RSPH10B2: variants seen among roughly 807,000 people sequenced by gnomAD.
RSPH10B2 encodes radial spoke head 10 homolog B2.
RSPH10B2 carries 9 observed loss-of-function variants against 49.0 expected under a neutral mutation model. That is an observed-to-expected ratio of 0.18 (90% CI 0.11 to 0.32). The LOEUF is 0.32. Ranked by LOEUF, RSPH10B2 falls within the 10% of genes least tolerant of loss-of-function variation. RSPH10B2 has a pLI of 1.00. For synonymous variants in RSPH10B2, 35 were observed against 210.2 expected (o/e 0.17, Z 7.21); for missense variants, 95 against 589.9 (o/e 0.16, Z 8.69).
At position 6,781,989 on chromosome 7, in the gene RSPH10B2, C is replaced by T. The variant is rs1397214804; in HGVS notation, c.1758+513C>T. On this transcript the variant is annotated intron_variant, in intron 13 of 18. Coordinates refer to ENST00000297186, the Ensembl canonical transcript of RSPH10B2. Reference sequence around the variant, plus strand: ...AGTGCAATGAAGTGATCTTGGCTCACTGCAACCTCCACCTCCTGGGTTCAA... The same window carrying T: ...AGTGCAATGAAGTGATCTTGGCTCATTGCAACCTCCACCTCCTGGGTTCAA... Among the ~76,000 whole-genome samples the T allele has an allele frequency of 4.5e-5, 5 of 111,552 alleles. 1 individual carries two copies. The highest frequency in any genetic ancestry group is 1.1e-4 in the African/African-American group (3 of 28,502). The allele number at this position is 111,552 out of a possible 152,430, so 73.2% of individuals were successfully genotyped here. A position where few individuals can be genotyped will look rare whatever the true frequency, so the allele number is the denominator to read the frequency against.
At chr7:6,796,885 G>A (rs1394819332) in intron 18 of RSPH10B2, 119 bp downstream of exon 20, 7 of 564,492 alleles carry the variant, frequency 1.2e-5, no homozygotes, top group African/African-American at 9.9e-5. Flanking sequence ...TCCTATGGGC[G>A]TCGTTGACAT....
At chr7:6,791,341 AC>A (rs1444218323) in intron 16 of RSPH10B2, among the ~76,000 whole-genome samples, 5 of 143,138 alleles carry the variant, frequency 3.5e-5, no homozygotes, top group African/African-American at 1.3e-4. Context: ...GTACCAACAG[AC>A]CCAGGTGACA....
At position 6,771,028 on chromosome 7, in the gene RSPH10B2, G is replaced by C. The variant is rs1461188049; in HGVS notation, c.958-519G>C. ...GGAGAAAGATTGTTGGGGAGAGAGA[G>C]AGGGGAGGGGGAGGAATAGGAAAAG... On this transcript the variant is annotated intron_variant, in intron 7 of 18. Coordinates refer to ENST00000297186, the Ensembl canonical transcript of RSPH10B2. Among the ~76,000 whole-genome samples, 2 of 57,976 alleles carry C rather than the reference G, an allele frequency of 3.4e-5. 1 individual carries two copies. Among genetic ancestry groups the C allele is most frequent in the Non-Finnish European group, 5.1e-5 (2 of 39,364 alleles). The allele number at this position is 57,976 out of a possible 152,430, so 38.0% of individuals were successfully genotyped here.
At chr7:6,764,418 T>G (rs972413969) in intron 4 of RSPH10B2, among the ~76,000 whole-genome samples, 10 of 151,154 alleles carry the variant, frequency 6.6e-5, no homozygotes, top group Non-Finnish European at 1.3e-4. Context: ...GGGAGTGCAA[T>G]GGTGCCATCT....
Position 6,796,632 on chromosome 7 carries a change from C to T in RSPH10B2, c.2298C>T (p.Tyr766=), listed in dbSNP as rs564559321. ...TCAACACGTGGGTCAATAATACGTA[C>T]GTCTTCTTTGTGAACACGCTCTTTC... Residue 766 remains tyrosine (Y), a synonymous_variant, in exon 18 of 19, where the codon TAC becomes TAT. Coordinates refer to ENST00000297186, the Ensembl canonical transcript of RSPH10B2. 17 of 1,206,466 alleles carry T rather than the reference C, an allele frequency of 1.4e-5. 4 individuals carry two copies. Among genetic ancestry groups the T allele is most frequent in the East Asian group, 9.5e-5 (3 of 31,512 alleles). The allele number at this position is 1,206,466 out of a possible 1,614,324, so 74.7% of individuals were successfully genotyped here.
chr7:6,785,187 GTGTGT>G (rs1228798801), intron 13 of RSPH10B2, among the ~76,000 whole-genome samples: 9 of 96,276 alleles, frequency 9.3e-5, no homozygotes, highest in Admixed American at 7.1e-4. Flanking sequence ...GTGTGTGTGT[GTGTGT>G]TTGAGACAGG....
rs201650381 is a variant in RSPH10B2, at chr7:6,795,932, TAA to T, written c.2234-626_2234-625del. On this transcript the variant is annotated intron_variant, in intron 17 of 18. Transcript: ENST00000297186. ...GGGCCATAGAGTGAGAGCTTGTCTT[TAA>T]AAAAAAAAAGAAAAAAGCAAGAGAA... is the stretch of plus-strand genomic sequence containing the variant. Among the ~76,000 whole-genome samples the T allele has an allele frequency of 3.6e-5, 5 of 139,396 alleles. 1 individual carries two copies. The highest frequency in any genetic ancestry group is 7.1e-5 in the Admixed American group (1 of 14,044). 91.4% of individuals were successfully genotyped at this position (139,396 alleles called of 152,430 possible).
At chr7:6,758,572 C>T (rs1258075978) in intron 1 of RSPH10B2, among the ~76,000 whole-genome samples, 18 of 129,224 alleles carry the variant, frequency 1.4e-4, no homozygotes, top group Admixed American at 3.1e-4. Flanking sequence ...TGGCCAGATG[C>T]GGTGGTTCAA....
intron 17 of RSPH10B2, among the ~76,000 whole-genome samples, chr7:6,796,221 T>C (rs553287995): frequency 9.2e-6 from 1 of 108,872 alleles, no homozygotes; most frequent in East Asian, 2.5e-4. Context: ...GGCTGAGGCA[T>C]GAGAATCACT....
At chr7:6,763,726 G>C (rs1450218362) in intron 3 of RSPH10B2, among the ~76,000 whole-genome samples, 2 of 145,830 alleles carry the variant, frequency 1.4e-5, no homozygotes, top group Non-Finnish European at 3.0e-5. Context: ...CCGCCCACTG[G>C]TCGGGTCAGA....
chr7:6,793,849 A>G (rs189750378), intron 17 of RSPH10B2, among the ~76,000 whole-genome samples: 1 of 149,364 alleles, frequency 6.7e-6, no homozygotes, highest in Non-Finnish European at 1.5e-5. Context: ...ATCAAAAAAA[A>G]AAAAAGGAAA....
intron 16 of RSPH10B2, among the ~76,000 whole-genome samples, chr7:6,791,562 G>A (rs1377976308): frequency 7.0e-6 from 1 of 142,826 alleles, no homozygotes; most frequent in Non-Finnish European, 1.5e-5. Context: ...TGGCCAATAT[G>A]GTGAAACCCC....
chr7:6,765,766 A>G lies in RSPH10B2; in HGVS notation c.634A>G (p.Ile212Val). 3 of 1,571,678 alleles carry G rather than the reference A, an allele frequency of 1.9e-6. 1 individual carries two copies. The highest frequency in any genetic ancestry group is 2.6e-6 in the Non-Finnish European group (3 of 1,167,204). Residue 212 changes from isoleucine (I) to valine (V), a missense_variant, in exon 5 of 19, where the codon ATC (isoleucine) becomes GTC (valine). Coordinates refer to ENST00000297186, the Ensembl canonical transcript of RSPH10B2. ...GTACGAGGGAGACTGGGTACAAAACATCAAAAAGGGCTGGGGAATAAGATG... is the reference window on the plus strand; with the variant it reads ...GTACGAGGGAGACTGGGTACAAAACGTCAAAAAGGGCTGGGGAATAAGATG...
intron 4 of RSPH10B2, among the ~76,000 whole-genome samples, chr7:6,764,546 A>G (rs1257639805): frequency 6.7e-6 from 1 of 148,432 alleles, no homozygotes; most frequent in Non-Finnish European, 1.5e-5. Context: ...TTTTTAGTAG[A>G]GATGGGGTTT....
intron 4 of RSPH10B2, among the ~76,000 whole-genome samples, 186 bp downstream of exon 6, chr7:6,764,287 TA>T (rs1781370010): frequency 6.9e-6 from 1 of 144,644 alleles, no homozygotes; most frequent in Admixed American, 6.8e-5. Flanking sequence ...GGGTAGGGGC[TA>T]GCGGCGCTGT....
intron 17 of RSPH10B2, among the ~76,000 whole-genome samples, chr7:6,793,609 G>A (rs1289764553): frequency 7.7e-6 from 1 of 129,674 alleles, no homozygotes; most frequent in Non-Finnish European, 1.6e-5. Flanking sequence ...ACTTTGGGAG[G>A]CCGAGGCAGG....
chr7:6,785,142 C>CGTGTGTGTGT (rs370307535), intron 13 of RSPH10B2, among the ~76,000 whole-genome samples: 4 of 63,708 alleles, frequency 6.3e-5, no homozygotes, highest in East Asian at 5.6e-4. Flanking sequence ...GAGGTAAATA[C>CGTGTGTGTGT]GTGTGTGTGT....
intron 13 of RSPH10B2, among the ~76,000 whole-genome samples, chr7:6,784,094 A>G (rs1782050646): frequency 1.1e-5 from 1 of 89,194 alleles, no homozygotes; most frequent in Non-Finnish European, 2.1e-5. Flanking sequence ...TGCTAGGATC[A>G]GAGGCATGAG....
At chr7:6,785,208 G>C (rs1782104430) in intron 13 of RSPH10B2, among the ~76,000 whole-genome samples, 4 of 99,554 alleles carry the variant, frequency 4.0e-5, no homozygotes, top group African/African-American at 1.5e-4. Flanking sequence ...ACAGGTTCTT[G>C]CTTTGTTACC....
Sources: gnomAD v4.1 joint callset for allele counts (sites outside exome capture counted in the v4.1 genomes callset) on GRCh38, gnomAD v4.1.1 for gene constraint, MANE v1.5 for transcripts, NCBI Gene and HGNC (gene_info 2026-07-23, HGNC 2026-07-21) for gene names.